The following TMCO6 variants were observed in gnomAD, a reference collection of about 807,000 sequenced individuals.
TMCO6 encodes the protein transmembrane and coiled-coil domain-containing protein 6.
TMCO6 carries 47 observed loss-of-function variants against 61.8 expected under a neutral mutation model. The ratio of observed to expected loss-of-function variants is 0.76; its 90% CI spans 0.60 to 0.97. TMCO6 has a LOEUF of 0.97. TMCO6 is among the 50% of genes least tolerant of loss of function. The pLI is 0.00. For missense variants in TMCO6, 557 were observed against 601.6 expected (o/e 0.93, Z 0.78); for synonymous variants, 261 against 254.2 (o/e 1.03, Z -0.25).
downstream of TMCO6, among the ~76,000 whole-genome samples, chr5:140,646,169 C>T (rs2563332): frequency 0.21 from 31,346 of 151,874 alleles, 3,235 homozygotes; most frequent in African/African-American, 0.21. Flanking sequence ...CGCCACCACA[C>T]CCGGCTAATT....
chr5:140,603,678 G>GTTT, the TMCO6 span, among the ~76,000 whole-genome samples: 41 of 150,480 alleles, frequency 2.7e-4, no homozygotes, highest in Non-Finnish European at 2.5e-4. Flanking sequence ...AATATTTGGG[G>GTTT]TTTTTTTTTG....
At chr5:140,599,042 A>C in the TMCO6 span, among the ~76,000 whole-genome samples, 6 of 152,190 alleles carry the variant, frequency 3.9e-5, no homozygotes, top group Admixed American at 3.9e-4. Context: ...TCTACCAGCT[A>C]TGTGTGAGGC....
At chr5:140,614,369 G>A in the TMCO6 span, among the ~76,000 whole-genome samples, 1 of 151,918 alleles carries the variant, frequency 6.6e-6, no homozygotes, top group African/African-American at 2.4e-5. Context: ...TTAGCTGGGC[G>A]TGGTGGCACA....
the TMCO6 span, among the ~76,000 whole-genome samples, chr5:140,624,856 C>CT: frequency 0.014 from 458 of 31,684 alleles, 3 homozygotes; most frequent in African/African-American, 0.051. Flanking sequence ...TTCTTTCTTT[C>CT]TTTTTTTTTT....
chr5:140,647,544 G>A (rs35672074), downstream of TMCO6: 21 of 1,611,970 alleles, frequency 1.3e-5, no homozygotes, highest in Non-Finnish European at 1.7e-5. Context: ...CGCAGGCCCA[G>A]CTTTGCCCCG....
rs199968038 is a variant in TMCO6, at chr5:140,642,592, C to T, written c.610C>T (p.His204Tyr). 19 of 1,614,114 alleles carry T rather than the reference C, an allele frequency of 1.2e-5. No individual in the cohort carries two copies. Among genetic ancestry groups the T allele is most frequent in the Non-Finnish European group, 1.4e-5 (17 of 1,180,048 alleles). ...PALAACIQSPHVAVLEALGYA... is the reference protein window; with the variant it reads ...PALAACIQSPYVAVLEALGYA... ...TTACCCTGTCTACTTCCAGTCCCCC[C>T]ATGTGGCTGTGCTGGAAGCTCTCGG... is the stretch of plus-strand genomic sequence containing the variant. The change falls in exon 6 of 12, where the codon CAT (histidine) becomes TAT (tyrosine). Residue 204 changes from histidine (H) to tyrosine (Y), a missense_variant. His to Tyr is a moderately conservative substitution (Grantham distance 83, BLOSUM62 2). Transcript: ENST00000394671.
Position 140,643,615 on chromosome 5 carries a change from G to A in TMCO6, c.858G>A (p.Gly286=), listed in dbSNP as rs751421665. 2 of 1,614,098 alleles carry A rather than the reference G, an allele frequency of 1.2e-6. No individual in the cohort carries two copies. The highest frequency in any genetic ancestry group is 1.7e-6 in the Non-Finnish European group (2 of 1,180,006). The part of the protein sequence containing the change: ...LIGHGALSTL[G]LLLLDLAGAV... ...GCCATGGGGCTCTGTCTACTCTGGGGTTGCTGCTGTTGGACTTGGCTGGGG... is the reference window on the plus strand; with the variant it reads ...GCCATGGGGCTCTGTCTACTCTGGGATTGCTGCTGTTGGACTTGGCTGGGG... Residue 286 remains glycine (G), a synonymous_variant, in exon 8 of 12, where the codon GGG becomes GGA. Transcript: ENST00000394671.
upstream of TMCO6, among the ~76,000 whole-genome samples, chr5:140,634,983 T>C (rs1045128805): frequency 1.3e-5 from 2 of 150,984 alleles, no homozygotes; most frequent in Admixed American, 6.6e-5. Flanking sequence ...GGTTTCTCCA[T>C]GTTGGTCAGG....
the TMCO6 span, chr5:140,632,259 G>T: frequency 8.1e-6 from 13 of 1,613,604 alleles, no homozygotes; most frequent in Middle Eastern, 3.3e-4. The surrounding 1 kb of genome is among the most constrained non-coding windows in gnomAD (Gnocchi z 6.2). Flanking sequence ...CGCCAGTGCG[G>T]CGCACACGCC....
chr5:140,614,228 G>T, the TMCO6 span, among the ~76,000 whole-genome samples: 5 of 151,582 alleles, frequency 3.3e-5, no homozygotes, highest in African/African-American at 1.2e-4. Flanking sequence ...AACAAATGCG[G>T]CCAGGCACAG....
upstream of TMCO6, among the ~76,000 whole-genome samples, chr5:140,634,897 C>T (rs973672143): frequency 1.3e-5 from 2 of 152,318 alleles, no homozygotes; most frequent in East Asian, 1.9e-4. Flanking sequence ...ATTCTCCTGC[C>T]TCAGCTTCCC....
chr5:140,627,907 A>G, the TMCO6 span, among the ~76,000 whole-genome samples: 1 of 152,154 alleles, frequency 6.6e-6, no homozygotes. Flanking sequence ...AAAAATAAAA[A>G]AAACAAGTAA....
the TMCO6 span, among the ~76,000 whole-genome samples, chr5:140,615,108 GAT>G: frequency 6.6e-6 from 1 of 152,024 alleles, no homozygotes; most frequent in East Asian, 1.9e-4. Flanking sequence ...AAAGTTGCAG[GAT>G]ACAAAATCAA....
chr5:140,639,681 C>A (rs1756891195), intron 1 of TMCO6, 58 bp from the exon 2 acceptor site: 1 of 1,546,778 alleles, frequency 6.5e-7, no homozygotes, highest in African/African-American at 1.4e-5. Flanking sequence ...AGGCTCGGAG[C>A]CGCGGGTTCT....
the TMCO6 span, chr5:140,632,689 C>A: frequency 1.2e-6 from 2 of 1,613,734 alleles, no homozygotes; most frequent in East Asian, 4.5e-5. This position sits in a 1 kb window ranked among gnomAD's most constrained non-coding sequence, Gnocchi z 6.2. Context: ...GGAACCTGTG[C>A]GGCTCCCACT....
chr5:140,614,311 C>G, the TMCO6 span, among the ~76,000 whole-genome samples: 3 of 152,076 alleles, frequency 2.0e-5, no homozygotes, highest in Non-Finnish European at 4.4e-5. Flanking sequence ...GAGTTCAAGA[C>G]CAGCCTGACC....
the TMCO6 span, among the ~76,000 whole-genome samples, chr5:140,614,772 G>T: frequency 6.6e-6 from 1 of 151,890 alleles, no homozygotes; most frequent in Non-Finnish European, 1.5e-5. Context: ...CCGCCACCAC[G>T]CCTGGCTAAT....
chr5:140,628,111 T>G, the TMCO6 span, among the ~76,000 whole-genome samples: 20 of 151,156 alleles, frequency 1.3e-4, no homozygotes, highest in Admixed American at 1.3e-3. Flanking sequence ...CAGATTCAAG[T>G]GATTCTCCTG....
chr5:140,621,321 G>A, the TMCO6 span, among the ~76,000 whole-genome samples: 3 of 152,164 alleles, frequency 2.0e-5, no homozygotes, highest in Non-Finnish European at 2.9e-5. Context: ...TGAAGATTTC[G>A]TGGACATTTA....
Sources: allele counts gnomAD v4.1 joint callset (sites outside exome capture counted in the v4.1 genomes callset), GRCh38; gene constraint gnomAD v4.1.1; non-coding constraint Gnocchi (gnomAD v3.1); transcripts MANE v1.5; gene names NCBI Gene and HGNC (gene_info 2026-07-23, HGNC 2026-07-21).